The following TMX3 variants were observed in gnomAD, a reference collection of about 807,000 sequenced individuals.
TMX3 encodes thioredoxin related transmembrane protein 3.
In TMX3, 40 loss-of-function variants were observed where a neutral mutation model predicts 64.4. That is an observed-to-expected ratio of 0.62 (90% CI 0.48 to 0.81). The LOEUF is 0.81. TMX3 is among the 30% of genes least tolerant of loss of function. TMX3 has a pLI of 0.00. For synonymous variants in TMX3, 189 were observed against 175.7 expected (o/e 1.08, Z -0.60); for missense variants, 497 against 534.5 (o/e 0.93, Z 0.69).
chr18:68,695,670 C>T (rs1914990626), intron 8 of TMX3, among the ~76,000 whole-genome samples: 1 of 152,216 alleles, frequency 6.6e-6, no homozygotes, highest in African/African-American at 2.4e-5. Flanking sequence ...ATCTTCTAAA[C>T]ACAACAATCC....
intron 5 of TMX3, 186 bp from the exon 6 acceptor site, chr18:68,700,671 A>G: frequency 1.1e-6 from 1 of 917,502 alleles, no homozygotes; most frequent in Middle Eastern, 5.6e-4. Flanking sequence ...AACACAAAAG[A>G]AAAGAGGCTG....
chr18:68,700,156 G>A (rs909116163), intron 6 of TMX3, among the ~76,000 whole-genome samples: 4 of 151,970 alleles, frequency 2.6e-5, no homozygotes, highest in Admixed American at 6.5e-5. Flanking sequence ...AATCTCTGGG[G>A]AAAATTCTTC....
Position 68,687,753 on chromosome 18 carries a change from C to A in TMX3, c.650G>T (p.Gly217Val). The change falls in exon 10 of 16, where the codon GGT becomes GTT. Residue 217 changes from glycine to valine, a missense_variant. Transcript: ENST00000299608. ...CCTGTTGATCCATGATGACAGATCA[C>A]CATCTTCATACTCTTAAAACCAAGA... Reference protein sequence around the residue: ...TYFVYDEYEDGDLSSWINRER... With the variant: ...TYFVYDEYEDVDLSSWINRER... 5 of 1,610,356 alleles carry A rather than the reference C, an allele frequency of 3.1e-6. No homozygotes were observed. Among genetic ancestry groups the A allele is most frequent in the Non-Finnish European group, 4.2e-6 (5 of 1,178,432 alleles).
chr18:68,701,110 A>G, intron 5 of TMX3: 2 of 783,052 alleles, frequency 2.6e-6, no homozygotes, highest in Non-Finnish European at 3.1e-6. Flanking sequence ...ACAAAAAGTA[A>G]GAGGCTAAGC....
In TMX3 at chr18:68,713,022, A is replaced by G. The variant is rs550477172; in HGVS notation, c.101+824T>C. 7.3e-4 allele frequency among the ~76,000 whole-genome samples: 111 copies of G among 151,564 alleles called. No individual in the cohort carries two copies. The East Asian group carries it at 0.014, about 19-fold the overall frequency. ...GAGGTTTAAAAAAAAAAAAAAAAAAAAGAGGCACCAGCTCCTCAGTGTTCC... is the reference window on the plus strand; with the variant it reads ...GAGGTTTAAAAAAAAAAAAAAAAAAGAGAGGCACCAGCTCCTCAGTGTTCC... On this transcript the variant is annotated intron_variant, in intron 2 of 15. Transcript: ENST00000299608.
At chr18:68,695,268 T>G (rs1333244260) in intron 8 of TMX3, among the ~76,000 whole-genome samples, 1 of 152,212 alleles carries the variant, frequency 6.6e-6, no homozygotes, top group Non-Finnish European at 1.5e-5. Flanking sequence ...TTAAAACACT[T>G]CGTCTTGGCT....
At chr18:68,702,175 CAAAA>C (rs375234012) in intron 4 of TMX3, among the ~76,000 whole-genome samples, 22 of 44,058 alleles carry the variant, frequency 5.0e-4, no homozygotes, top group African/African-American at 1.4e-3. Context: ...TTACTCCTCT[CAAAA>C]AAAAAAAAAA....
intron 15 of TMX3, among the ~76,000 whole-genome samples, chr18:68,677,501 G>T (rs1223688062): frequency 1.3e-5 from 2 of 152,092 alleles, no homozygotes; most frequent in Admixed American, 6.6e-5. Context: ...TCTCTTTAAG[G>T]TGCTTACTAT....
At chr18:68,709,761 G>C (rs930689393) in intron 4 of TMX3, among the ~76,000 whole-genome samples, 2 of 152,000 alleles carry the variant, frequency 1.3e-5, no homozygotes, top group African/African-American at 4.8e-5. Flanking sequence ...TCCTTTTACA[G>C]CTGCCTCATA....
chr18:68,695,576 C>T (rs1163446981), intron 8 of TMX3, among the ~76,000 whole-genome samples: 1 of 152,210 alleles, frequency 6.6e-6, no homozygotes, highest in Non-Finnish European at 1.5e-5. Flanking sequence ...CCACCACCCT[C>T]TACCCAATTG....
chr18:68,681,956 T>A (rs1164844198), intron 13 of TMX3, among the ~76,000 whole-genome samples: 2 of 152,220 alleles, frequency 1.3e-5, no homozygotes, highest in African/African-American at 4.8e-5. Context: ...GTGTTCTTCA[T>A]TCAGCTAACT....
chr18:68,676,994 C>G lies in TMX3; in HGVS notation c.1304G>C (p.Gly435Ala), dbSNP rs1377993686. 4 of 1,613,830 alleles carry G rather than the reference C, an allele frequency of 2.5e-6. 1 individual carries two copies. In the South Asian group the frequency reaches 4.4e-5, roughly 18 times the overall value. ...CTGCACTGTAGGCACTACAGATCCT[C>G]CACTGCTGGGCTCCTGCTGTTCTTT... ...ESKEQQEPSS[G>A]GSVVPTVQEP... The change falls in exon 16 of 16, where the codon GGA (glycine) becomes GCA (alanine). Residue 435 changes from glycine (G) to alanine (A), a missense_variant. Around this residue, in one of 3 missense-constraint regions of TMX3, gnomAD observed 94 missense variants for 75.8 expected, o/e 1.24. Transcript: ENST00000299608.
Position 68,684,174 on chromosome 18 carries a change from G to A in TMX3, c.848+16C>T. On this transcript the variant is annotated intron_variant, in intron 12 of 15. Coordinates refer to ENST00000299608, the MANE Select transcript of TMX3 (RefSeq NM_019022.5). Reference sequence around the variant, plus strand: ...TAAACAAAAATAAAGGAATCTCTCAGAATATAAGCACCTACCTATGGAAGA... The same window carrying A: ...TAAACAAAAATAAAGGAATCTCTCAAAATATAAGCACCTACCTATGGAAGA... The A allele has an allele frequency of 6.3e-7, 1 of 1,585,866 alleles. No homozygotes were observed. Among genetic ancestry groups the A allele is most frequent in the Middle Eastern group, 1.7e-4 (1 of 5,924 alleles).
chr18:68,695,808 T>C (rs190514473), intron 8 of TMX3, among the ~76,000 whole-genome samples: 12 of 152,314 alleles, frequency 7.9e-5, no homozygotes, highest in Admixed American at 5.9e-4. Context: ...CAGAGTAATG[T>C]CCTTAAACAA....
chr18:68,681,653 T>A (rs1389644357), intron 13 of TMX3: 1 of 984,940 alleles, frequency 1.0e-6, no homozygotes, highest in Non-Finnish European at 1.2e-6. Context: ...CCTTCCTCGC[T>A]CAGTGTTCTT....
chr18:68,679,604 C>T (rs1257404250), intron 14 of TMX3, 73 bp from the exon 15 acceptor site: 17 of 1,297,566 alleles, frequency 1.3e-5, no homozygotes, highest in Admixed American at 8.2e-5. Context: ...CATAACCTTA[C>T]AATTGCAGGC....
intron 9 of TMX3, chr18:68,690,946 G>A (rs374360899): frequency 3.1e-5 from 7 of 222,262 alleles, no homozygotes; most frequent in South Asian, 3.4e-4. Context: ...TATTGAACAC[G>A]TGTTATTTCT....
intron 13 of TMX3, chr18:68,681,460 A>T (rs1463691238): frequency 3.0e-6 from 3 of 984,800 alleles, no homozygotes; most frequent in Non-Finnish European, 2.4e-6. Flanking sequence ...CCCTTTAATA[A>T]TTGTATAGAT....
At chr18:68,693,795 G>A (rs924739508) in intron 8 of TMX3, among the ~76,000 whole-genome samples, 1 of 152,178 alleles carries the variant, frequency 6.6e-6, no homozygotes, top group African/African-American at 2.4e-5. Context: ...AAGCCTGGGG[G>A]CCAGGCTACT....
Sources: gnomAD v4.1 joint callset for allele counts (sites outside exome capture counted in the v4.1 genomes callset) on GRCh38, gnomAD v4.1.1 for gene constraint, gnomAD v4.1.1 regional missense constraint, MANE v1.5 for transcripts, NCBI Gene and HGNC (gene_info 2026-07-23, HGNC 2026-07-21) for gene names.